Variants in PTBP3 observed in about 807,000 individuals in gnomAD.
The protein encoded by PTBP3 is polypyrimidine tract-binding protein 3.
A neutral mutation model predicts 58.7 loss-of-function variants in PTBP3; 20 were observed. The observed-to-expected ratio is 0.34, with a 90% CI of 0.24 to 0.50. The LOEUF is 0.50. PTBP3 is among the 20% of genes least tolerant of loss of function. PTBP3 has a pLI of 0.98. For missense variants in PTBP3, 509 were observed against 637.2 expected, an observed-to-expected ratio of 0.80 and a Z score of 2.17; for synonymous variants, 185 against 219.8, an observed-to-expected ratio of 0.84 and a Z score of 1.40.
intron 1 of PTBP3, among the ~76,000 whole-genome samples, chr9:112,317,565 A>G (rs1296605499): frequency 6.6e-6 from 1 of 152,254 alleles, no homozygotes; most frequent in East Asian, 1.9e-4. Context: ...AAGCTAGACC[A>G]ATCAGGAAAA....
the PTBP3 span, among the ~76,000 whole-genome samples, chr9:112,373,194 C>T: frequency 2.6e-5 from 4 of 152,244 alleles, no homozygotes; most frequent in African/African-American, 9.6e-5. Flanking sequence ...CCAGGCCCAG[C>T]CTACATGAGT....
Position 112,220,504 on chromosome 9 carries a change from G to T in PTBP3, c.*3347C>A. Reference sequence around the variant, plus strand: ...CCAAAGAAGGCCTCACTGTCATAAGGGAACAGGCAGGCATAAATGATATCT... The same window carrying T: ...CCAAAGAAGGCCTCACTGTCATAAGTGAACAGGCAGGCATAAATGATATCT... On this transcript the variant is annotated 3_prime_UTR_variant, in exon 14 of 14. Transcript: ENST00000374257. 9.6e-7 allele frequency: 1 copy of T among 1,041,818 alleles called. No individual in the cohort carries two copies. Among genetic ancestry groups the T allele is most frequent in the Non-Finnish European group, 1.2e-6 (1 of 861,514 alleles). The allele number at this position is 1,041,818 out of a possible 1,614,324, so 64.5% of individuals were successfully genotyped here. A position where few individuals can be genotyped will look rare whatever the true frequency, so the allele number is the denominator to read the frequency against.
chr9:112,222,924 A>T lies in PTBP3; in HGVS notation c.*927T>A. ...ACCTTACCAAAAATAACTTTTAAAA[A>T]ATCTGTCAAACCATATGATAGACCT... On this transcript the variant is annotated 3_prime_UTR_variant, in exon 14 of 14. Transcript: ENST00000374257. 1.1e-6 allele frequency: 1 copy of T among 871,966 alleles called. No homozygotes were observed. 54.0% of individuals were successfully genotyped at this position (871,966 alleles called of 1,614,324 possible). A position where few individuals can be genotyped will look rare whatever the true frequency, so the allele number is the denominator to read the frequency against.
intron 7 of PTBP3, among the ~76,000 whole-genome samples, chr9:112,240,645 C>G (rs549510900): frequency 1.2e-5 from 1 of 83,044 alleles, no homozygotes. Flanking sequence ...TGTACTCCTA[C>G]TTGTTTTTTT....
chr9:112,314,143 T>A (rs1243954190), intron 1 of PTBP3, among the ~76,000 whole-genome samples: 3 of 152,146 alleles, frequency 2.0e-5, no homozygotes, highest in Admixed American at 6.5e-5. Flanking sequence ...AGCCTCTGCA[T>A]CCACAAATTT....
chr9:112,297,593 CAAAG>C (rs1238894108), intron 2 of PTBP3, among the ~76,000 whole-genome samples: 1 of 152,094 alleles, frequency 6.6e-6, no homozygotes, highest in Non-Finnish European at 1.5e-5. Flanking sequence ...TTATGTAACA[CAAAG>C]AACATCAATC....
chr9:112,375,672 C>T, the PTBP3 span, among the ~76,000 whole-genome samples: 1 of 152,110 alleles, frequency 6.6e-6, no homozygotes, highest in Admixed American at 6.6e-5. Flanking sequence ...GTAACTTATT[C>T]CTCAGGTGCC....
rs190685824 is a variant in PTBP3 at position 112,298,815 on chromosome 9, A to G, written c.-51-899T>C. Among the ~76,000 whole-genome samples the G allele has an allele frequency of 7.9e-5, 12 of 152,322 alleles. No homozygotes were observed. The East Asian group carries it at 2.3e-3, about 29-fold the overall frequency. On this transcript the variant is annotated intron_variant, in intron 1 of 13. Coordinates refer to ENST00000374257, the MANE Select transcript of PTBP3 (RefSeq NM_001163788.4). ...AGAAAGACAAACCACCAATATATCT[A>G]TATAATAGAAATACAATTATTTAAA... is the stretch of plus-strand genomic sequence containing the variant.
At chr9:112,296,407 T>C (rs1172743151) in intron 2 of PTBP3, among the ~76,000 whole-genome samples, 1 of 152,192 alleles carries the variant, frequency 6.6e-6, no homozygotes, top group Non-Finnish European at 1.5e-5. Flanking sequence ...TAAAATAAGC[T>C]AGAATGAGCT....
chr9:112,233,286 TG>T (rs1835316922), intron 8 of PTBP3, among the ~76,000 whole-genome samples: 2 of 84,352 alleles, frequency 2.4e-5, no homozygotes, highest in Non-Finnish European at 4.1e-5. Flanking sequence ...TGTGTGTGTG[TG>T]TGTGTGTGTG....
At chr9:112,304,310 C>G (rs1187132014) in intron 1 of PTBP3, among the ~76,000 whole-genome samples, 1 of 152,096 alleles carries the variant, frequency 6.6e-6, no homozygotes, top group Non-Finnish European at 1.5e-5. Flanking sequence ...TGAATTTTTC[C>G]TGTGAACACT....
rs758572944 is a variant in PTBP3, at chr9:112,232,234, T to C, written c.885A>G (p.Leu295=). 91 of 1,593,620 alleles carry C rather than the reference T, an allele frequency of 5.7e-5. No homozygotes were observed. Among genetic ancestry groups the C allele is most frequent in the African/African-American group, 1.4e-4 (10 of 73,842 alleles). Residue 295 remains leucine (L), a synonymous_variant, in exon 9 of 14, where the codon CTA becomes CTG. Coordinates refer to ENST00000374257, the MANE Select transcript of PTBP3 (RefSeq NM_001163788.4). ...PAIGFPQATG[L]SVPAVPGALG... ...GAGCTCCAGGAACAGCTGGAACTGA[T>C]AGACCTTTTAAAAATACCAAAAGCA... is the stretch of plus-strand genomic sequence containing the variant.
chr9:112,288,792 C>T (rs1220459889), intron 2 of PTBP3, among the ~76,000 whole-genome samples: 1 of 152,122 alleles, frequency 6.6e-6, no homozygotes, highest in Non-Finnish European at 1.5e-5. Flanking sequence ...TAAGCTATTG[C>T]TTAATAATTT....
At chr9:112,335,503 C>G (rs1378317559), upstream of PTBP3, among the ~76,000 whole-genome samples, 1 of 149,986 alleles carries the variant, frequency 6.7e-6, no homozygotes, top group Non-Finnish European at 1.5e-5. Context: ...TCAGGCTGGT[C>G]TCGAACTCCT....
chr9:112,314,260 G>A (rs1829612230), intron 1 of PTBP3, among the ~76,000 whole-genome samples: 1 of 152,128 alleles, frequency 6.6e-6, no homozygotes, highest in Admixed American at 6.6e-5. Flanking sequence ...ATTAACATTA[G>A]ACAAAGTACA....
In PTBP3 at chr9:112,320,648, A is replaced by G. The variant is rs185109075; in HGVS notation, c.-52+12822T>C. ...ACAACTCGACTTTAAGATATACTAT[A>G]AACCCACCGTCATCAAGACAGTGTG... On this transcript the variant is annotated intron_variant, in intron 1 of 13. Coordinates refer to ENST00000374257, the MANE Select transcript of PTBP3 (RefSeq NM_001163788.4). Among the ~76,000 whole-genome samples the G allele has an allele frequency of 6.9e-4, 105 of 152,232 alleles. 1 individual carries two copies. Among genetic ancestry groups the G allele is most frequent in the Non-Finnish European group, 8.4e-4 (57 of 68,022 alleles).
intron 1 of PTBP3, among the ~76,000 whole-genome samples, chr9:112,326,162 A>T (rs1830148381): frequency 6.6e-6 from 1 of 152,248 alleles, no homozygotes. Flanking sequence ...ACTAGTGGAT[A>T]CAAGTGTCAA....
At chr9:112,274,415 CTCT>C (rs1306667733) in intron 3 of PTBP3, among the ~76,000 whole-genome samples, 1 of 152,106 alleles carries the variant, frequency 6.6e-6, no homozygotes, top group Non-Finnish European at 1.5e-5. Flanking sequence ...ATTTGTTGTC[CTCT>C]TCTTTACAGT....
intron 2 of PTBP3, among the ~76,000 whole-genome samples, chr9:112,296,730 CA>C (rs1828705762): frequency 6.6e-6 from 1 of 152,132 alleles, no homozygotes; most frequent in African/African-American, 2.4e-5. Flanking sequence ...TCAATATATA[CA>C]AATCTGAACC....
Sources: allele counts gnomAD v4.1 joint callset (sites outside exome capture counted in the v4.1 genomes callset), GRCh38; gene constraint gnomAD v4.1.1; transcripts MANE v1.5; gene names NCBI Gene and HGNC (gene_info 2026-07-23, HGNC 2026-07-21).